Variants in ASPM observed in about 807,000 individuals in gnomAD.
ASPM encodes abnormal spindle-like microcephaly-associated protein.
A neutral mutation model predicts 366.4 loss-of-function variants in ASPM; 256 were observed. The observed-to-expected ratio is 0.70, with a 90% CI of 0.63 to 0.77. The LOEUF is 0.77. Among genes scored for constraint, ASPM ranks in the 30% least tolerant of loss-of-function variants. The pLI is 0.00. For synonymous variants in ASPM, 1,414 were observed against 1,342.9 expected (o/e 1.05, Z -1.16); for missense variants, 4,146 against 4,090.4 (o/e 1.01, Z -0.37).
In ASPM at chr1:197,084,290, T is replaced by C. The variant is rs1470288553; in HGVS notation, c.*34A>G. 6.7e-7 allele frequency: 1 copy of C among 1,486,250 alleles called. No individual in the cohort carries two copies. Among genetic ancestry groups the C allele is most frequent in the Non-Finnish European group, 9.4e-7 (1 of 1,065,208 alleles). The allele number at this position is 1,486,250 out of a possible 1,614,324, so 92.1% of individuals were successfully genotyped here. On this transcript the variant is annotated 3_prime_UTR_variant, in exon 28 of 28. Transcript: ENST00000367409. ...TACTCATGATTGGCTTTAATATTTC[T>C]TTACACTATACATACTGAAAATGTT...
chr1:197,143,843 T>A, intron 2 of ASPM, 33 bp from the exon 3 acceptor site: 1 of 1,593,552 alleles, frequency 6.3e-7, no homozygotes, highest in Non-Finnish European at 8.6e-7. Context: ...CCAATTAAGT[T>A]TGTAGCTATT....
Position 197,103,654 on chromosome 1 carries a change from T to C in ASPM, c.5597A>G (p.Asp1866Gly). Residue 1866 changes from aspartate to glycine, a missense_variant, in exon 18 of 28, where the codon GAT (aspartate) becomes GGT (glycine). Asp to Gly is a moderately conservative substitution (Grantham distance 94). Around this residue, in one of 3 missense-constraint regions of ASPM, gnomAD observed 3,624 missense variants for 3,591.7 expected, o/e 1.01. Coordinates refer to ENST00000367409, the MANE Select transcript of ASPM (RefSeq NM_018136.5). ...RWYRAYKTLH[D>G]TRTHFLKTKA... ...TGTCTTCAAAAAATGTGTTCTTGTA[T>C]CATGAAGAGTCTTGTACGCCCTGTA... 6.2e-7 allele frequency: 1 copy of C among 1,612,948 alleles called. No homozygotes were observed.
At chr1:197,111,844 AC>A (rs1382395041) in intron 17 of ASPM, among the ~76,000 whole-genome samples, 1 of 152,164 alleles carries the variant, frequency 6.6e-6, no homozygotes, top group Non-Finnish European at 1.5e-5. Context: ...AATGGCTATT[AC>A]TAAAAAGTCA....
Position 197,102,574 on chromosome 1 carries a change from A to G in ASPM, c.6677T>C (p.Met2226Thr). 3 of 1,612,018 alleles carry G rather than the reference A, an allele frequency of 1.9e-6. No individual in the cohort carries two copies. Among genetic ancestry groups the G allele is most frequent in the Non-Finnish European group, 1.7e-6 (2 of 1,178,956 alleles). ...TTGAAATTGTATGTTTCTTTCTTTC[A>G]TTGCCCAGTATCTTTGCTGTACTGT... is the stretch of plus-strand genomic sequence containing the variant. The part of the protein sequence containing the change: ...TKTVQQRYWA[M>T]KERNIQFQRY... Residue 2226 changes from methionine to threonine, a missense_variant, in exon 18 of 28, where the codon ATG becomes ACG. Around this residue, in one of 3 missense-constraint regions of ASPM, gnomAD observed 3,624 missense variants for 3,591.7 expected, o/e 1.01. Coordinates refer to ENST00000367409, the MANE Select transcript of ASPM (RefSeq NM_018136.5).
At chr1:197,090,736 A>G in intron 23 of ASPM, 114 bp downstream of exon 23, 2 of 958,350 alleles carry the variant, frequency 2.1e-6, no homozygotes, top group South Asian at 2.9e-5. Context: ...GAGTTATTCT[A>G]CCGGCTAATG....
chr1:197,130,135 A>G, intron 7 of ASPM, 79 bp from the exon 8 acceptor site: 2 of 1,451,650 alleles, frequency 1.4e-6, no homozygotes, highest in South Asian at 1.2e-5. Context: ...ATGGCAGACC[A>G]TAACCTAAGG....
At chr1:197,144,235 C>T in intron 1 of ASPM, 135 bp from the exon 2 acceptor site, 1 of 615,392 alleles carries the variant, frequency 1.6e-6, no homozygotes, top group Non-Finnish European at 2.7e-6. Context: ...TTTAATAAAT[C>T]AAATATATTT....
At chr1:197,132,162 A>G in intron 7 of ASPM, 123 bp downstream of exon 7, 1 of 725,686 alleles carries the variant, frequency 1.4e-6, no homozygotes, top group Non-Finnish European at 2.2e-6. Context: ...TAAAAGATGA[A>G]TCAAGCTAAC....
rs1446164353 is a variant in ASPM at position 197,142,489 on chromosome 1, A to G, written c.1763T>C (p.Val588Ala). 3 of 1,613,774 alleles carry G rather than the reference A, an allele frequency of 1.9e-6. No homozygotes were observed. The highest frequency in any genetic ancestry group is 2.7e-5 in the African/African-American group (2 of 74,884). ...CACTTCTGTATGTTCTGTAATTGCA[A>G]CTCTCACATTTGCATCTTCCATGCT... ...DGSMEDANVR[V>A]AITEHTEVRE... The change falls in exon 3 of 28, where the codon GTT (valine) becomes GCT (alanine). Residue 588 changes from valine to alanine, a missense_variant. Val to Ala is a moderately conservative substitution (Grantham distance 64). This residue lies in a region of ASPM where 3,624 missense variants were observed against 3,591.7 expected (regional missense o/e 1.01). Coordinates refer to ENST00000367409, the MANE Select transcript of ASPM (RefSeq NM_018136.5).
chr1:197,139,158 C>T lies in ASPM; in HGVS notation c.2026+609G>A, dbSNP rs968012771. The T allele has an allele frequency of 1.1e-4, 103 of 936,752 alleles. 1 individual carries two copies. In the Admixed American group the frequency reaches 1.5e-3, roughly 14 times the overall value. The allele number at this position is 936,752 out of a possible 1,614,324, so 58.0% of individuals were successfully genotyped here. ...TTCTTTTAGATTTTCCACATTGGTA[C>T]AAAGAAGCATATCTTGGAGCTTAAC... On this transcript the variant is annotated intron_variant, in intron 4 of 27. Coordinates refer to ENST00000367409, the MANE Select transcript of ASPM (RefSeq NM_018136.5).
In ASPM at chr1:197,143,606, C is replaced by T. The variant is rs151050191; in HGVS notation, c.646G>A (p.Glu216Lys). The T allele has an allele frequency of 1.1e-3, 1,722 of 1,613,084 alleles. 14 individuals are homozygous for T. The highest frequency in any genetic ancestry group is 4.1e-3 in the Middle Eastern group (25 of 6,062). Reference protein sequence around the residue: ...PTENNSLILEENKIPISPISP... With the variant: ...PTENNSLILEKNKIPISPISP... ...ATAGGTGATATGGGTATTTTATTTT[C>T]TTCAAGTATTAAAGAATTGTTTTCT... The change falls in exon 3 of 28, where the codon GAA (glutamate) becomes AAA (lysine). Residue 216 changes from glutamate to lysine, a missense_variant. This residue lies in a region of ASPM where 512 missense variants were observed against 471.7 expected (regional missense o/e 1.09). Transcript: ENST00000367409.
At chr1:197,117,680 A>T in intron 17 of ASPM, 109 bp downstream of exon 17, 1 of 992,256 alleles carries the variant, frequency 1.0e-6, no homozygotes, top group South Asian at 1.6e-5. Context: ...TAAGTATTAG[A>T]TAAAGAATCC....
Position 197,103,484 on chromosome 1 carries a change from C to T in ASPM, c.5767G>A (p.Ala1923Thr), listed in dbSNP as rs953710864. ...AQKQFRLFKT[A>T]ALVIQQNFRA... Reference sequence around the variant, plus strand: ...AAATTTTGCTGGATGACTAATGCTGCTGTTTTAAACAATCTAAACTGTTTC... The same window carrying T: ...AAATTTTGCTGGATGACTAATGCTGTTGTTTTAAACAATCTAAACTGTTTC... The change falls in exon 18 of 28, where the codon GCA (alanine) becomes ACA (threonine). Residue 1923 changes from alanine to threonine, a missense_variant. Ala to Thr is a moderately conservative substitution (Grantham distance 58). Coordinates refer to ENST00000367409, the MANE Select transcript of ASPM (RefSeq NM_018136.5). 2.5e-6 allele frequency: 4 copies of T among 1,613,136 alleles called. No individual in the cohort carries two copies. The highest frequency in any genetic ancestry group is 2.7e-5 in the African/African-American group (2 of 74,824).
rs564473132 is a variant in ASPM at position 197,106,688 on chromosome 1, T to G, written c.4066-1503A>C. ...AATAGCAATTTTTTCACCATTGTCA[T>G]ACAATTCTTAAAAATAAATAGCTTT... On this transcript the variant is annotated intron_variant, in intron 17 of 27. Coordinates refer to ENST00000367409, the MANE Select transcript of ASPM (RefSeq NM_018136.5). Among the ~76,000 whole-genome samples the G allele has an allele frequency of 3.3e-5, 5 of 152,208 alleles. No individual in the cohort carries two copies. In the South Asian group the frequency reaches 8.3e-4, roughly 25 times the overall value.
At chr1:197,144,781 G>T (rs1028250142) in intron 1 of ASPM, among the ~76,000 whole-genome samples, 9 of 152,200 alleles carry the variant, frequency 5.9e-5, no homozygotes, top group Non-Finnish European at 4.4e-5. Flanking sequence ...CAGGTAGACA[G>T]AATCTGCCAA....
At chr1:197,098,720 T>C (rs1049397977) in intron 18 of ASPM, among the ~76,000 whole-genome samples, 5 of 151,768 alleles carry the variant, frequency 3.3e-5, no homozygotes, top group Non-Finnish European at 4.4e-5. Flanking sequence ...TCTGTGAATT[T>C]TGATGTTCTT....
chr1:197,146,431 T>A lies in ASPM; in HGVS notation c.7A>T (p.Asn3Tyr), dbSNP rs1172994352. The A allele has an allele frequency of 6.2e-7, 1 of 1,607,856 alleles. No individual in the cohort carries two copies. Among genetic ancestry groups the A allele is most frequent in the East Asian group, 2.2e-5 (1 of 44,814 alleles). The change falls in exon 1 of 28, where the codon AAC becomes TAC. Residue 3 changes from asparagine to tyrosine, a missense_variant. Physicochemically the swap from Asn to Tyr is moderately radical, Grantham distance 143 (BLOSUM62 -2). Transcript: ENST00000367409. MA[N>Y]RRVGRGCWEV... ...CAGCAGCCTCGCCCCACTCGCCGGT[T>A]CGCCATGGCAGATTCGAGACCCCTC...
At chr1:197,131,789 G>C (rs773753170) in intron 7 of ASPM, among the ~76,000 whole-genome samples, 2 of 151,790 alleles carry the variant, frequency 1.3e-5, no homozygotes, top group Non-Finnish European at 1.5e-5. Flanking sequence ...TCCATCTCCT[G>C]ACCTCACGAT....
At chr1:197,114,902 C>T (rs1657698652) in intron 17 of ASPM, among the ~76,000 whole-genome samples, 2 of 152,074 alleles carry the variant, frequency 1.3e-5, no homozygotes, top group Non-Finnish European at 2.9e-5. Flanking sequence ...GCATGCACCC[C>T]CATGCCTAGC....
Sources: gnomAD v4.1 joint callset for allele counts (sites outside exome capture counted in the v4.1 genomes callset) on GRCh38, gnomAD v4.1.1 for gene constraint, gnomAD v4.1.1 regional missense constraint, MANE v1.5 for transcripts, NCBI Gene and HGNC (gene_info 2026-07-23, HGNC 2026-07-21) for gene names.